Variants in DPYD observed in about 807,000 individuals in gnomAD.
The protein encoded by DPYD is dihydropyrimidine dehydrogenase, also known as dihydropyrimidine dehydrogenase [NADP(+)].
A neutral mutation model predicts 116.2 loss-of-function variants in DPYD; 109 were observed. The observed-to-expected ratio is 0.94, with a 90% CI of 0.80 to 1.10. DPYD has a LOEUF of 1.10. DPYD is among the 50% of genes least tolerant of loss of function. The probability of loss-of-function intolerance (pLI) is 0.00; values close to 1 mark genes in which losing one functional copy is unlikely to be tolerated. For synonymous variants in DPYD, 440 were observed against 432.0 expected, an observed-to-expected ratio of 1.02 and a Z score of -0.23; for missense variants, 1,302 against 1,254.5, an observed-to-expected ratio of 1.04 and a Z score of -0.57.
chr1:97,319,615 A>C (rs898665819), intron 16 of DPYD, among the ~76,000 whole-genome samples: 48 of 130,846 alleles, frequency 3.7e-4, no homozygotes, highest in African/African-American at 1.4e-3. Context: ...AAAAGAGTCC[A>C]GGACCACATG....
intron 3 of DPYD, among the ~76,000 whole-genome samples, chr1:97,782,811 C>A (rs1429043730): frequency 6.6e-6 from 1 of 152,104 alleles, no homozygotes; most frequent in Non-Finnish European, 1.5e-5. Flanking sequence ...AATAAATGGT[C>A]AAACTCCTTT....
chr1:97,916,012 G>A (rs1421509145), intron 1 of DPYD, among the ~76,000 whole-genome samples: 1 of 152,052 alleles, frequency 6.6e-6, no homozygotes, highest in Non-Finnish European at 1.5e-5. Context: ...TATTTTACTA[G>A]GGGTTCCAGC....
At chr1:97,695,855 C>T (rs1383554865) in intron 6 of DPYD, among the ~76,000 whole-genome samples, 2 of 152,014 alleles carry the variant, frequency 1.3e-5, no homozygotes, top group Non-Finnish European at 2.9e-5. Context: ...GGTGGCCGGG[C>T]GCAGTGGCTC....
intron 2 of DPYD, among the ~76,000 whole-genome samples, chr1:97,880,879 C>T (rs1260791631): frequency 1.3e-5 from 2 of 151,878 alleles, no homozygotes; most frequent in African/African-American, 4.8e-5. Context: ...TTAATGACTG[C>T]ACAATATACC....
At chr1:97,415,211 C>T (rs893560487) in intron 14 of DPYD, among the ~76,000 whole-genome samples, 1 of 152,192 alleles carries the variant, frequency 6.6e-6, no homozygotes, top group African/African-American at 2.4e-5. Context: ...TTACTATCAA[C>T]ACACATAGTT....
At chr1:97,247,546 T>C (rs140420778) in intron 18 of DPYD, among the ~76,000 whole-genome samples, 302 of 152,294 alleles carry the variant, frequency 2.0e-3, no homozygotes, top group African/African-American at 7.1e-3. Context: ...CTAGTAGTGA[T>C]TTGTATAGCC....
At chr1:97,431,586 AATTGTAC>A (rs1260754865) in intron 14 of DPYD, among the ~76,000 whole-genome samples, 1 of 152,150 alleles carries the variant, frequency 6.6e-6, no homozygotes, top group Non-Finnish European at 1.5e-5. Context: ...GTTATATAAT[AATTGTAC>A]ATTTTTATGG....
chr1:97,088,272 C>A (rs953279991), intron 21 of DPYD, among the ~76,000 whole-genome samples: 5 of 152,198 alleles, frequency 3.3e-5, no homozygotes, highest in African/African-American at 1.2e-4. Context: ...GCTCAGACTT[C>A]CTTTCATTGG....
At chr1:97,086,552 T>C (rs1649534953) in intron 21 of DPYD, among the ~76,000 whole-genome samples, 1 of 152,220 alleles carries the variant, frequency 6.6e-6, no homozygotes. Flanking sequence ...ATCTAGCATG[T>C]TAGCTGTTCT....
In DPYD at chr1:97,546,791, T is replaced by C. The variant is rs1363086314; in HGVS notation, c.1524+2769A>G. ...GTGTTTCTGAGATCAGACTCCTATA[T>C]GGGTTTGGATCAGATTAAACCATTG... On this transcript the variant is annotated intron_variant, in intron 12 of 22. Coordinates refer to ENST00000370192, the MANE Select transcript of DPYD (RefSeq NM_000110.4). 9.3e-6 allele frequency: 15 copies of C among 1,613,048 alleles called. No homozygotes were observed. In the South Asian group the frequency reaches 1.4e-4, roughly 15 times the overall value.
chr1:97,473,521 AG>A (rs1320202408), intron 13 of DPYD, among the ~76,000 whole-genome samples: 1 of 152,184 alleles, frequency 6.6e-6, no homozygotes, highest in East Asian at 1.9e-4. Context: ...AGAGCCAAAA[AG>A]TATATGAAGA....
At chr1:97,506,576 A>G (rs1647345944) in intron 13 of DPYD, among the ~76,000 whole-genome samples, 1 of 151,944 alleles carries the variant, frequency 6.6e-6, no homozygotes, top group Non-Finnish European at 1.5e-5. Flanking sequence ...ACTTTCCATT[A>G]CAAGTTAGAT....
rs34998323 is a variant in DPYD, at chr1:97,229,164, A to G, written c.2442+5688T>C. ...GCTTGCTGTGAGCTGAGATTGCGTC[A>G]CTGCACTCCAGCCTGGGCAACAGTG... On this transcript the variant is annotated intron_variant, in intron 19 of 22. Coordinates refer to ENST00000370192, the MANE Select transcript of DPYD (RefSeq NM_000110.4). Among the ~76,000 whole-genome samples the G allele has an allele frequency of 1.3e-3, 182 of 145,212 alleles. 1 individual carries two copies. The highest frequency in any genetic ancestry group is 4.5e-3 in the African/African-American group (178 of 39,382).
chr1:97,798,319 T>C (rs996096930), intron 3 of DPYD, among the ~76,000 whole-genome samples: 1 of 151,924 alleles, frequency 6.6e-6, no homozygotes, highest in African/African-American at 2.4e-5. Flanking sequence ...TTTTAAACTT[T>C]TATAACCATC....
At chr1:97,802,507 A>C (rs1242519548) in intron 3 of DPYD, among the ~76,000 whole-genome samples, 1 of 151,888 alleles carries the variant, frequency 6.6e-6, no homozygotes, top group Non-Finnish European at 1.5e-5. Context: ...AAGGAACCAC[A>C]GAGTCAGAAG....
At chr1:97,589,623 T>G (rs1319478323) in intron 10 of DPYD, among the ~76,000 whole-genome samples, 1 of 152,204 alleles carries the variant, frequency 6.6e-6, no homozygotes, top group Non-Finnish European at 1.5e-5. Flanking sequence ...ATAAACCATG[T>G]TAAATGTAAC....
chr1:97,181,090 T>C (rs1332908982), intron 20 of DPYD, among the ~76,000 whole-genome samples: 2 of 152,120 alleles, frequency 1.3e-5, no homozygotes, highest in Admixed American at 6.6e-5. Context: ...TCATCCTATA[T>C]CTCAATGTCC....
chr1:97,832,464 G>C (rs1278224381), intron 2 of DPYD, among the ~76,000 whole-genome samples: 1 of 152,148 alleles, frequency 6.6e-6, no homozygotes, highest in African/African-American at 2.4e-5. Flanking sequence ...AGAAGCTCTT[G>C]CAGGATTCTG....
intron 16 of DPYD, among the ~76,000 whole-genome samples, chr1:97,306,688 AT>A (rs1266275199): frequency 1.3e-5 from 2 of 151,996 alleles, no homozygotes; most frequent in African/African-American, 4.8e-5. Flanking sequence ...AAAATAAAAA[AT>A]ATTTAAAACT....
Sources: allele counts gnomAD v4.1 joint callset (sites outside exome capture counted in the v4.1 genomes callset), GRCh38; gene constraint gnomAD v4.1.1; transcripts MANE v1.5; gene names NCBI Gene and HGNC (gene_info 2026-07-23, HGNC 2026-07-21).